BCL9L: variants seen among roughly 807,000 people sequenced by gnomAD.
BCL9L encodes the protein BCL9 like.
In BCL9L, 19 loss-of-function variants were observed where a neutral mutation model predicts 99.4. That is an observed-to-expected ratio of 0.19 (90% CI 0.13 to 0.28). BCL9L has a LOEUF of 0.28. Among genes scored for constraint, BCL9L ranks in the 10% least tolerant of loss-of-function variants. BCL9L has a pLI of 1.00. For missense variants in BCL9L, 2,023 were observed against 2,101.6 expected, an observed-to-expected ratio of 0.96 and a Z score of 0.73; for synonymous variants, 900 against 854.8, an observed-to-expected ratio of 1.05 and a Z score of -0.92.
chr11:118,904,081 C>T (rs1940403457), intron 5 of BCL9L, among the ~76,000 whole-genome samples: 1 of 152,190 alleles, frequency 6.6e-6, no homozygotes, highest in African/African-American at 2.4e-5. Flanking sequence ...GCACAGGGGG[C>T]AGGCCAAAGA....
Position 118,902,685 on chromosome 11 carries a change from G to C in BCL9L, c.1058C>G (p.Pro353Arg). The C allele has an allele frequency of 1.9e-6, 3 of 1,599,262 alleles. No individual in the cohort carries two copies. Among genetic ancestry groups the C allele is most frequent in the Non-Finnish European group, 2.5e-6 (3 of 1,179,738 alleles). Residue 353 changes from proline (P) to arginine (R), a missense_variant, in exon 8 of 10, where the codon CCT becomes CGT. By Grantham distance (103) the Pro-to-Arg change is moderately radical (BLOSUM62 -2). Coordinates refer to ENST00000683865, the MANE Select transcript of BCL9L (RefSeq NM_001378213.1). The surrounding 1 kb of genome is among the most constrained non-coding windows in gnomAD (Gnocchi z 7.8). ...STGGGTGGTH[P>R]NTPTATTANN... is the part of the protein sequence containing the mutation. ...GGCGGTGGTAGCCGTCGGGGTGTTA[G>C]GGTGGGTGCCCCCAGTCCCACCACC...
In BCL9L at chr11:118,902,371, G is replaced by C; in HGVS notation, c.1372C>G (p.Pro458Ala). Residue 458 changes from proline to alanine, a missense_variant, in exon 8 of 10, where the codon CCT becomes GCT. Pro to Ala is a conservative substitution (Grantham distance 27). Around this residue, in one of 3 missense-constraint regions of BCL9L, gnomAD observed 1,116 missense variants for 1,194.6 expected, o/e 0.93. Transcript: ENST00000683865. This position sits in a 1 kb window ranked among gnomAD's most constrained non-coding sequence, Gnocchi z 7.8. ...PPPPQQPPTA[P>A]PSGLKKYEEP... ...TCATATTTCTTCAGCCCGCTGGGAG[G>C]GGCCGTGGGTGGCTGCTGGGGGGGA... is the stretch of plus-strand genomic sequence containing the variant. The C allele has an allele frequency of 6.5e-7, 1 of 1,539,686 alleles. No homozygotes were observed. The highest frequency in any genetic ancestry group is 8.7e-7 in the Non-Finnish European group (1 of 1,146,078).
chr11:118,925,907 C>T lies in BCL9L; in HGVS notation c.-800G>A, dbSNP rs181028074. ...GAGCCTCGCTTGCCCCTCCACTCGGCTCCACTCCCCAGCCTGAATAAGCAT... is the reference window on the plus strand; with the variant it reads ...GAGCCTCGCTTGCCCCTCCACTCGGTTCCACTCCCCAGCCTGAATAAGCAT... On this transcript the variant is annotated 5_prime_UTR_variant, in exon 1 of 10. Transcript: ENST00000683865. This position sits in a 1 kb window ranked among gnomAD's most constrained non-coding sequence, Gnocchi z 6.4. Among the ~76,000 whole-genome samples, 326 of 152,218 alleles carry T rather than the reference C, an allele frequency of 2.1e-3. 1 individual carries two copies. The highest frequency in any genetic ancestry group is 7.5e-3 in the African/African-American group (311 of 41,566).
chr11:118,911,186 G>C (rs960873629), intron 2 of BCL9L: 3 of 452,668 alleles, frequency 6.6e-6, no homozygotes, highest in South Asian at 3.1e-5. Context: ...CTCCCCCCTC[G>C]CCTCCCCTAC....
chr11:118,898,502 G>C lies in BCL9L; in HGVS notation c.4413C>G (p.Ser1471=), dbSNP rs1377384174. 3.1e-6 allele frequency: 5 copies of C among 1,602,746 alleles called. No homozygotes were observed. The South Asian group carries it at 5.5e-5, about 18-fold the overall frequency. The change falls in exon 10 of 10, where the codon TCC becomes TCG. Residue 1471 remains serine, a synonymous_variant. Transcript: ENST00000683865. ...GPPPQQNLMV[S]HPLRQRSVSL... Reference sequence around the variant, plus strand: ...ACACACTGCGCTGCCGAAGGGGGTGGGACACCATGAGGTTCTGCTGGGGCG... The same window carrying C: ...ACACACTGCGCTGCCGAAGGGGGTGCGACACCATGAGGTTCTGCTGGGGCG...
chr11:118,902,856 G>C lies in BCL9L; in HGVS notation c.887C>G (p.Ala296Gly). 2 of 1,552,406 alleles carry C rather than the reference G, an allele frequency of 1.3e-6. No individual in the cohort carries two copies. The highest frequency in any genetic ancestry group is 1.7e-6 in the Non-Finnish European group (2 of 1,155,472). Residue 296 changes from alanine (A) to glycine (G), a missense_variant, in exon 8 of 10, where the codon GCA becomes GGA. This residue lies in a region of BCL9L where 1,116 missense variants were observed against 1,194.6 expected (regional missense o/e 0.93). Transcript: ENST00000683865. The surrounding 1 kb of genome is among the most constrained non-coding windows in gnomAD (Gnocchi z 7.8). ...PEPLPLSTPS[A>G]GTPQSQPPPL... ...AGGTGGCTGGGACTGCGGGGTGCCT[G>C]CTGACGGCGTGCTCAGGGGTAGCGG... is the stretch of plus-strand genomic sequence containing the variant.
At position 118,907,808 on chromosome 11, in the gene BCL9L, T is replaced by TC. The variant is rs1220611604; in HGVS notation, c.413-207dup. 6.6e-5 allele frequency among the ~76,000 whole-genome samples: 10 copies of TC among 151,782 alleles called. No individual in the cohort carries two copies. The South Asian group carries it at 1.5e-3, about 22-fold the overall frequency. On this transcript the variant is annotated intron_variant, in intron 4 of 9. Coordinates refer to ENST00000683865, the MANE Select transcript of BCL9L (RefSeq NM_001378213.1). ...TCTATAGCCCCATGCCTGTCTCCCC[T>TC]CCCCCCCAACACCAAGTACAGCATA...
At position 118,907,530 on chromosome 11, in the gene BCL9L, G is replaced by C. The variant is rs774285304; in HGVS notation, c.485C>G (p.Ser162Cys). The C allele has an allele frequency of 6.2e-7, 1 of 1,614,212 alleles. No homozygotes were observed. Among genetic ancestry groups the C allele is most frequent in the East Asian group, 2.2e-5 (1 of 44,876 alleles). The change falls in exon 5 of 10, where the codon TCT becomes TGT. Residue 162 changes from serine (S) to cysteine (C), a missense_variant. This residue lies in a region of BCL9L where 1,116 missense variants were observed against 1,194.6 expected (regional missense o/e 0.93). Coordinates refer to ENST00000683865, the MANE Select transcript of BCL9L (RefSeq NM_001378213.1). ...KQPYSGDEWC[S>C]GPDSEEDDKP... ...GTCGTCCTCCTCACTGTCCGGTCCA[G>C]AGCACCATTCGTCCCCACTGTACGG...
chr11:118,913,258 G>C (rs990016260), intron 2 of BCL9L, among the ~76,000 whole-genome samples: 1 of 151,788 alleles, frequency 6.6e-6, no homozygotes, highest in African/African-American at 2.4e-5. Flanking sequence ...TGCAGCCCTA[G>C]GGTAATGTCA....
chr11:118,906,866 C>T (rs998719857), intron 5 of BCL9L, among the ~76,000 whole-genome samples: 1 of 152,056 alleles, frequency 6.6e-6, no homozygotes, highest in Non-Finnish European at 1.5e-5. Flanking sequence ...AAGATGTAAA[C>T]GTAAACTTTG....
At chr11:118,915,741 G>C (rs993381170) in intron 2 of BCL9L, among the ~76,000 whole-genome samples, 1 of 152,150 alleles carries the variant, frequency 6.6e-6, no homozygotes, top group African/African-American at 2.4e-5. Flanking sequence ...TGTAGTACTT[G>C]GGCTGGGAGA....
chr11:118,899,987 G>A lies in BCL9L; in HGVS notation c.3336C>T (p.Thr1112=). The change falls in exon 9 of 10, where the codon ACC becomes ACT. Residue 1112 remains threonine (T), a synonymous_variant. Transcript: ENST00000683865. ...LYHNAIKTIA[T]SDDELLPDRP... ...GGTCGGGCAGCAGCTCGTCGTCTGA[G>A]GTGGCGATGGTCTTGATGGCATTGT... 1.9e-6 allele frequency: 3 copies of A among 1,614,124 alleles called. No individual in the cohort carries two copies. Among genetic ancestry groups the A allele is most frequent in the Non-Finnish European group, 2.5e-6 (3 of 1,180,002 alleles).
Position 118,902,607 on chromosome 11 carries a change from A to G in BCL9L, c.1136T>C (p.Leu379Pro). The G allele has an allele frequency of 1.3e-6, 2 of 1,599,856 alleles. No individual in the cohort carries two copies. Among genetic ancestry groups the G allele is most frequent in the Non-Finnish European group, 8.5e-7 (1 of 1,179,790 alleles). ...GDPSSAPGPA[L>P]LGEAAAPGNG... ...TCCAGGGGCGGCTGCCTCCCCCAGC[A>G]GGGCAGGGCCGGGGGCACTGCTGGG... The change falls in exon 8 of 10, where the codon CTG becomes CCG. Residue 379 changes from leucine (L) to proline (P), a missense_variant. Physicochemically the swap from Leu to Pro is moderately conservative, Grantham distance 98. This residue lies in a region of BCL9L where 1,116 missense variants were observed against 1,194.6 expected (regional missense o/e 0.93). Coordinates refer to ENST00000683865, the MANE Select transcript of BCL9L (RefSeq NM_001378213.1). The surrounding 1 kb of genome is among the most constrained non-coding windows in gnomAD (Gnocchi z 7.8).
intron 2 of BCL9L, among the ~76,000 whole-genome samples, chr11:118,912,401 G>A (rs1288223684): frequency 2.0e-5 from 3 of 152,216 alleles, no homozygotes; most frequent in Non-Finnish European, 4.4e-5. Context: ...AGTCACCTGA[G>A]TGGAAGGCCA....
In BCL9L at chr11:118,901,343, C is replaced by T; in HGVS notation, c.2400G>A (p.Met800Ile). Residue 800 changes from methionine (M) to isoleucine (I), a missense_variant, in exon 8 of 10, where the codon ATG becomes ATA. Met to Ile is a conservative substitution (Grantham distance 10, BLOSUM62 1). Around this residue, in one of 3 missense-constraint regions of BCL9L, gnomAD observed 1,116 missense variants for 1,194.6 expected, o/e 0.93. Coordinates refer to ENST00000683865, the MANE Select transcript of BCL9L (RefSeq NM_001378213.1). The surrounding 1 kb of genome is among the most constrained non-coding windows in gnomAD (Gnocchi z 6.6). ...GCCCCATCAAGTCCCCAGGGCCCCG[C>T]ATCTTCTGCGACATCAGCATCTGCT... ...PQQQMLMSQK[M>I]RGPGDLMGPQ... The T allele has an allele frequency of 1.2e-6, 2 of 1,613,800 alleles. No individual in the cohort carries two copies. The highest frequency in any genetic ancestry group is 1.6e-4 in the Middle Eastern group (1 of 6,062).
intron 2 of BCL9L, among the ~76,000 whole-genome samples, chr11:118,917,499 G>A (rs1592000938): frequency 6.6e-6 from 1 of 152,260 alleles, no homozygotes; most frequent in East Asian, 1.9e-4. Flanking sequence ...GAAGAAGCAG[G>A]ATTTGAATTC....
Position 118,902,247 on chromosome 11 carries a change from T to C in BCL9L, c.1496A>G (p.Gln499Arg). 1 of 1,608,826 alleles carries C rather than the reference T, an allele frequency of 6.2e-7. No individual in the cohort carries two copies. The highest frequency in any genetic ancestry group is 8.5e-7 in the Non-Finnish European group (1 of 1,176,570). Residue 499 changes from glutamine (Q) to arginine (R), a missense_variant, in exon 8 of 10, where the codon CAG becomes CGG. By Grantham distance (43) the Gln-to-Arg change is conservative (BLOSUM62 1). Around this residue, in one of 3 missense-constraint regions of BCL9L, gnomAD observed 1,116 missense variants for 1,194.6 expected, o/e 0.93. Transcript: ENST00000683865. The surrounding 1 kb of genome is among the most constrained non-coding windows in gnomAD (Gnocchi z 7.8). ...CCTCTGTATCATCATGTTCATCTGC[T>C]GCCCCATGTCCCCACCCGGGGGGTG... The part of the protein sequence containing the change: ...PGHPPGGDMG[Q>R]QMNMMIQRLG...
rs928575036 is a variant in BCL9L, at chr11:118,921,444, G to A, written c.-130-2565C>T. On this transcript the variant is annotated intron_variant, in intron 1 of 9. Coordinates refer to ENST00000683865, the MANE Select transcript of BCL9L (RefSeq NM_001378213.1). The surrounding 1 kb of genome is among the most constrained non-coding windows in gnomAD (Gnocchi z 5.4). ...GGGATTTCAAAACAATCCTGGTTTC[G>A]AAATGCTGGAAATGCTGGATTCAGG... 6.6e-5 allele frequency among the ~76,000 whole-genome samples: 10 copies of A among 152,104 alleles called. No individual in the cohort carries two copies. The highest frequency in any genetic ancestry group is 5.9e-4 in the Admixed American group (9 of 15,282).
Position 118,898,320 on chromosome 11 carries a change from C to A in BCL9L, c.*95G>T. 1 of 1,120,424 alleles carries A rather than the reference C, an allele frequency of 8.9e-7. No homozygotes were observed. Among genetic ancestry groups the A allele is most frequent in the East Asian group, 3.1e-5 (1 of 32,292 alleles). The allele number at this position is 1,120,424 out of a possible 1,614,324, so 69.4% of individuals were successfully genotyped here. ...CCCCCTCCCACCCCCTCCACCCCAC[C>A]CCGCGACCCAGGCCATCCCAACATT... On this transcript the variant is annotated 3_prime_UTR_variant, in exon 10 of 10. Coordinates refer to ENST00000683865, the MANE Select transcript of BCL9L (RefSeq NM_001378213.1).
Sources: gnomAD v4.1 joint callset for allele counts (sites outside exome capture counted in the v4.1 genomes callset) on GRCh38, gnomAD v4.1.1 for gene constraint, gnomAD v4.1.1 regional missense constraint, Gnocchi (gnomAD v3.1) non-coding constraint, MANE v1.5 for transcripts, NCBI Gene and HGNC (gene_info 2026-07-23, HGNC 2026-07-21) for gene names.